Variants in GRAMD1B observed in about 807,000 individuals in gnomAD.
GRAMD1B encodes the protein GRAM domain containing 1B, also known as protein Aster-B.
GRAMD1B carries 37 observed loss-of-function variants against 99.7 expected under a neutral mutation model. That is an observed-to-expected ratio of 0.37 (90% CI 0.29 to 0.49). The LOEUF (loss-of-function observed/expected upper bound fraction) is 0.49, where lower values mean the gene tolerates loss of function less well. Among genes scored for constraint, GRAMD1B ranks in the 20% least tolerant of loss-of-function variants. GRAMD1B has a pLI of 0.98. For missense variants in GRAMD1B, 888 were observed against 1,009.2 expected (o/e 0.88, Z 1.63); for synonymous variants, 427 against 387.6 (o/e 1.10, Z -1.19).
At chr11:123,500,093 C>G (rs770858245) in intron 2 of GRAMD1B, among the ~76,000 whole-genome samples, 2 of 152,098 alleles carry the variant, frequency 1.3e-5, no homozygotes, top group South Asian at 4.1e-4. Flanking sequence ...TTTGGGAGGC[C>G]GAGGCAGGCA....
At chr11:123,381,788 G>A (rs1158543009) in intron 1 of GRAMD1B, among the ~76,000 whole-genome samples, 3 of 152,160 alleles carry the variant, frequency 2.0e-5, no homozygotes, top group Non-Finnish European at 4.4e-5. Flanking sequence ...TGAAAAAATT[G>A]CAAACTACTG....
intron 2 of GRAMD1B, among the ~76,000 whole-genome samples, chr11:123,576,074 A>G (rs1474325049): frequency 6.6e-6 from 1 of 151,800 alleles, no homozygotes; most frequent in African/African-American, 2.4e-5. Context: ...TCGCTGGTTT[A>G]GGCTCTTGGG....
chr11:123,380,938 C>A (rs1262020314), intron 1 of GRAMD1B, among the ~76,000 whole-genome samples: 1 of 152,180 alleles, frequency 6.6e-6, no homozygotes, highest in Admixed American at 6.5e-5. Flanking sequence ...TCTCTACGTA[C>A]CTTCCTTGGA....
At chr11:123,402,663 G>T (rs1204475861) in intron 1 of GRAMD1B, among the ~76,000 whole-genome samples, 1 of 152,170 alleles carries the variant, frequency 6.6e-6, no homozygotes, top group Non-Finnish European at 1.5e-5. Flanking sequence ...CAGACTTTCT[G>T]CTCTCTTTCC....
intron 2 of GRAMD1B, among the ~76,000 whole-genome samples, chr11:123,548,323 T>TATAC (rs1443507032): frequency 1.0e-5 from 1 of 100,494 alleles, no homozygotes; most frequent in Non-Finnish European, 1.9e-5. Flanking sequence ...TATATATATA[T>TATAC]ATACACACAC....
chr11:123,365,235 C>T (rs990696926), intron 1 of GRAMD1B, among the ~76,000 whole-genome samples: 84 of 150,708 alleles, frequency 5.6e-4, no homozygotes, highest in African/African-American at 1.8e-3. Flanking sequence ...AGATTCTACC[C>T]TACATTTTCT....
intron 1 of GRAMD1B, among the ~76,000 whole-genome samples, chr11:123,476,001 G>A (rs1043723996): frequency 6.6e-6 from 1 of 152,164 alleles, no homozygotes; most frequent in African/African-American, 2.4e-5. Flanking sequence ...GAAAGGGTGT[G>A]TGTGAGAGGG....
chr11:123,419,916 C>G (rs1285899603), intron 1 of GRAMD1B, among the ~76,000 whole-genome samples: 1 of 152,038 alleles, frequency 6.6e-6, no homozygotes, highest in Non-Finnish European at 1.5e-5. Flanking sequence ...GGGAATGGAA[C>G]CCAGTGTCCT....
chr11:123,434,652 G>T (rs1949077911), intron 1 of GRAMD1B, among the ~76,000 whole-genome samples: 1 of 152,162 alleles, frequency 6.6e-6, no homozygotes, highest in Non-Finnish European at 1.5e-5. Flanking sequence ...GCTGGACATG[G>T]TAGTGCGCGC....
intron 7 of GRAMD1B, 33 bp from the exon 8 acceptor site, chr11:123,600,435 A>C (rs138688611): frequency 4.4e-6 from 6 of 1,352,614 alleles, no homozygotes; most frequent in Non-Finnish European, 6.3e-6. Context: ...GTAACTCAAC[A>C]GATATTTATT....
chr11:123,596,201 G>T (rs185380705), intron 7 of GRAMD1B, among the ~76,000 whole-genome samples, 164 bp downstream of exon 7: 4 of 152,196 alleles, frequency 2.6e-5, no homozygotes, highest in Non-Finnish European at 5.9e-5. Context: ...TGGACAGGCT[G>T]GGGGAGGCTG....
intron 2 of GRAMD1B, among the ~76,000 whole-genome samples, chr11:123,547,810 T>G (rs1945165677): frequency 6.6e-6 from 1 of 152,174 alleles, no homozygotes. Context: ...TCATCTGTGG[T>G]GGGATTAGTA....
intron 2 of GRAMD1B, among the ~76,000 whole-genome samples, chr11:123,557,454 C>T (rs578092130): frequency 2.0e-5 from 3 of 152,364 alleles, no homozygotes; most frequent in African/African-American, 7.2e-5. Flanking sequence ...TGTATCCAAA[C>T]TCAAGGCTTC....
chr11:123,520,343 CT>C (rs1942074846), intron 2 of GRAMD1B, among the ~76,000 whole-genome samples: 1 of 152,090 alleles, frequency 6.6e-6, no homozygotes, highest in South Asian at 2.1e-4. Context: ...AACACAAAAT[CT>C]TGTCTAGACC....
intron 1 of GRAMD1B, among the ~76,000 whole-genome samples, chr11:123,467,559 A>T (rs1049409840): frequency 1.3e-5 from 2 of 152,120 alleles, no homozygotes; most frequent in Non-Finnish European, 2.9e-5. Context: ...CGGGGGCAGG[A>T]AAGAGGAGCC....
At chr11:123,561,241 A>G (rs953548886) in intron 2 of GRAMD1B, among the ~76,000 whole-genome samples, 1 of 152,082 alleles carries the variant, frequency 6.6e-6, no homozygotes, top group Non-Finnish European at 1.5e-5. Context: ...TGGACAGGCC[A>G]TGTGCTCCTG....
intron 2 of GRAMD1B, among the ~76,000 whole-genome samples, chr11:123,563,213 A>G (rs1282304995): frequency 6.6e-6 from 1 of 152,222 alleles, no homozygotes; most frequent in African/African-American, 2.4e-5. Context: ...CTCTGGTAGG[A>G]AGCCACAGGA....
intron 2 of GRAMD1B, among the ~76,000 whole-genome samples, chr11:123,539,141 C>G (rs534641682): frequency 2.0e-5 from 3 of 152,136 alleles, no homozygotes; most frequent in Non-Finnish European, 4.4e-5. Context: ...AGGAGGATCA[C>G]TTGATCCCAG....
intron 2 of GRAMD1B, among the ~76,000 whole-genome samples, chr11:123,573,096 T>C (rs1056906769): frequency 2.0e-5 from 3 of 150,824 alleles, no homozygotes; most frequent in African/African-American, 7.3e-5. Context: ...TAGGCCCCGA[T>C]GGCTGGGGCA....
Sources: gnomAD v4.1 joint callset for allele counts (sites outside exome capture counted in the v4.1 genomes callset) on GRCh38, gnomAD v4.1.1 for gene constraint, MANE v1.5 for transcripts, NCBI Gene and HGNC (gene_info 2026-07-23, HGNC 2026-07-21) for gene names.